Variants in BABAM2 observed in about 807,000 individuals in gnomAD.
The protein encoded by BABAM2 is BRISC and BRCA1-A complex member 2.
BABAM2 carries 31 observed loss-of-function variants against 54.7 expected under a neutral mutation model. That is an observed-to-expected ratio of 0.57 (90% confidence interval 0.43 to 0.77). BABAM2 has a LOEUF of 0.77. Ranked by LOEUF, BABAM2 falls within the 30% of genes least tolerant of loss-of-function variation. The pLI, the probability that BABAM2 is intolerant of heterozygous loss-of-function variation, is 0.00. For missense variants in BABAM2, 364 were observed against 455.8 expected (o/e 0.80, Z 1.83); for synonymous variants, 167 against 162.9 (o/e 1.03, Z -0.19).
intron 10 of BABAM2, among the ~76,000 whole-genome samples, chr2:28,266,145 C>T (rs956080590): frequency 6.6e-6 from 1 of 152,056 alleles, no homozygotes; most frequent in Admixed American, 6.6e-5. Context: ...CCACCACGCT[C>T]GGCTAAGTTT....
intron 2 of BABAM2, among the ~76,000 whole-genome samples, chr2:27,924,519 G>C (rs1347161644): frequency 6.6e-6 from 1 of 151,968 alleles, no homozygotes; most frequent in African/African-American, 2.4e-5. Context: ...CTAGTAGCTG[G>C]GACTACAGGC....
At chr2:28,051,654 T>G (rs530780250) in intron 6 of BABAM2, among the ~76,000 whole-genome samples, 2 of 144,870 alleles carry the variant, frequency 1.4e-5, no homozygotes, top group African/African-American at 2.5e-5. Flanking sequence ...TCAAGGTGTG[T>G]TTTTTTTTTT....
At chr2:28,138,511 C>T (rs1238728635) in intron 7 of BABAM2, among the ~76,000 whole-genome samples, 1 of 152,138 alleles carries the variant, frequency 6.6e-6, no homozygotes, top group Admixed American at 6.5e-5. Flanking sequence ...AAAGCAATTC[C>T]TAAACCTCAT....
chr2:28,309,764 C>A (rs1688904987), intron 11 of BABAM2, among the ~76,000 whole-genome samples: 1 of 152,186 alleles, frequency 6.6e-6, no homozygotes, highest in Non-Finnish European at 1.5e-5. Context: ...GCTGAACCAA[C>A]CTCATCTCAG....
chr2:28,205,608 G>A (rs1298489975), intron 7 of BABAM2, among the ~76,000 whole-genome samples: 1 of 152,214 alleles, frequency 6.6e-6, no homozygotes, highest in African/African-American at 2.4e-5. Flanking sequence ...TACAATGTAT[G>A]TCTGATACCA....
chr2:28,159,055 A>C (rs902300545), intron 7 of BABAM2, among the ~76,000 whole-genome samples: 27 of 152,228 alleles, frequency 1.8e-4, no homozygotes. Flanking sequence ...AAAACATTTT[A>C]TCTCAAATTC....
intron 6 of BABAM2, among the ~76,000 whole-genome samples, chr2:28,119,003 T>C (rs758627617): frequency 6.6e-6 from 1 of 152,198 alleles, no homozygotes; most frequent in Non-Finnish European, 1.5e-5. Context: ...TACATGTTTT[T>C]GTCAGGTTTG....
intron 7 of BABAM2, among the ~76,000 whole-genome samples, chr2:28,141,752 A>G (rs1206963451): frequency 1.3e-5 from 2 of 152,126 alleles, no homozygotes; most frequent in African/African-American, 4.8e-5. Flanking sequence ...TGATTTTCTC[A>G]TATCAGTATG....
chr2:28,194,163 A>G (rs560279109), intron 7 of BABAM2, among the ~76,000 whole-genome samples: 4 of 152,254 alleles, frequency 2.6e-5, no homozygotes, highest in South Asian at 4.1e-4. Flanking sequence ...AAGCCTGGTC[A>G]GTGAGAGGGA....
intron 6 of BABAM2, among the ~76,000 whole-genome samples, chr2:28,065,525 C>T (rs10173528): frequency 0.51 from 77,400 of 151,970 alleles, 20,466 homozygotes; most frequent in Non-Finnish European, 0.59. Context: ...CATCCACACA[C>T]ACACAGCTTG....
intron 6 of BABAM2, among the ~76,000 whole-genome samples, chr2:28,123,500 T>C (rs1333516572): frequency 6.6e-6 from 1 of 152,256 alleles, no homozygotes; most frequent in Non-Finnish European, 1.5e-5. Flanking sequence ...CCTACTATGC[T>C]GTAACCATCC....
intron 11 of BABAM2, among the ~76,000 whole-genome samples, chr2:28,314,672 C>G (rs182758019): frequency 6.6e-6 from 1 of 152,210 alleles, no homozygotes; most frequent in Admixed American, 6.5e-5. Flanking sequence ...GATACAGTCC[C>G]TGCTTTCGGT....
chr2:28,213,921 C>T (rs899265666), intron 7 of BABAM2, among the ~76,000 whole-genome samples: 1 of 147,474 alleles, frequency 6.8e-6, no homozygotes, highest in Non-Finnish European at 1.5e-5. Context: ...TGGAGAAGAT[C>T]CATTACTAGA....
chr2:27,943,639 A>G (rs187849922), intron 3 of BABAM2, among the ~76,000 whole-genome samples: 12 of 152,308 alleles, frequency 7.9e-5, no homozygotes, highest in African/African-American at 2.6e-4. Flanking sequence ...AACCATTTTT[A>G]CTATGACTTG....
intron 2 of BABAM2, among the ~76,000 whole-genome samples, chr2:27,914,259 T>C (rs1337168890): frequency 6.6e-6 from 1 of 152,200 alleles, no homozygotes; most frequent in Non-Finnish European, 1.5e-5. Flanking sequence ...CAGCTAATAC[T>C]GTTACATAGT....
chr2:28,026,886 A>ATATATAAATATATATT (rs1558667477), intron 5 of BABAM2, among the ~76,000 whole-genome samples: 1 of 52,584 alleles, frequency 1.9e-5, no homozygotes, highest in Non-Finnish European at 3.3e-5. Context: ...ATATATATAT[A>ATATATAAATATATATT]GATATATATA....
At chr2:28,137,245 C>G (rs767977648) in intron 7 of BABAM2, among the ~76,000 whole-genome samples, 2 of 152,068 alleles carry the variant, frequency 1.3e-5, no homozygotes, top group East Asian at 1.9e-4. Flanking sequence ...CATGTTTTCT[C>G]GAGTCACTGA....
At chr2:28,014,640 G>A (rs1573393098) in intron 4 of BABAM2, among the ~76,000 whole-genome samples, 1 of 145,302 alleles carries the variant, frequency 6.9e-6, no homozygotes, top group South Asian at 2.2e-4. Context: ...CTTGTTTATG[G>A]TTAAGTCTCA....
intron 4 of BABAM2, chr2:28,016,211 C>G: frequency 1.9e-6 from 2 of 1,031,126 alleles, no homozygotes; most frequent in South Asian, 2.7e-5. Context: ...CTTTCTCTGT[C>G]TTTTTTTGGA....
Sources: allele counts gnomAD v4.1 joint callset (sites outside exome capture counted in the v4.1 genomes callset), GRCh38; gene constraint gnomAD v4.1.1; transcripts MANE v1.5; gene names NCBI Gene and HGNC (gene_info 2026-07-23, HGNC 2026-07-21).